SUPT6H: variants seen among roughly 807,000 people sequenced by gnomAD.
SUPT6H encodes the protein SPT6 homolog, histone chaperone and transcription elongation factor.
SUPT6H carries 11 observed loss-of-function variants against 222.3 expected under a neutral mutation model. The ratio of observed to expected loss-of-function variants is 0.05; its 90% CI spans 0.03 to 0.08. The LOEUF (loss-of-function observed/expected upper bound fraction) is 0.08, where lower values mean the gene tolerates loss of function less well. SUPT6H is among the 10% of genes least tolerant of loss of function. The pLI is 1.00. For synonymous variants in SUPT6H, 762 were observed against 801.2 expected (o/e 0.95, Z 0.83); for missense variants, 1,422 against 2,216.0 (o/e 0.64, Z 7.19).
chr17:28,686,583 A>G, intron 20 of SUPT6H, 71 bp from the exon 21 acceptor site: 3 of 1,545,794 alleles, frequency 1.9e-6, no homozygotes, highest in Non-Finnish European at 2.6e-6. Context: ...CTACCTCTTC[A>G]CCCCCAAGGC....
At position 28,688,260 on chromosome 17, in the gene SUPT6H, T is replaced by G. The variant is rs1168416844; in HGVS notation, c.3134+42T>G. 1.3e-6 allele frequency: 2 copies of G among 1,593,494 alleles called. No homozygotes were observed. Among genetic ancestry groups the G allele is most frequent in the East Asian group, 2.3e-5 (1 of 43,992 alleles). ...GGATGGGGCAGGAGGAATTCCCTTG[T>G]GGGCTTTGTTTTCGGGTTTCAGGGG... On this transcript the variant is annotated intron_variant, in intron 24 of 36. Coordinates refer to ENST00000314616, the MANE Select transcript of SUPT6H (RefSeq NM_003170.5). The surrounding 1 kb of genome is among the most constrained non-coding windows in gnomAD (Gnocchi z 4.3).
At chr17:28,683,600 T>C in intron 16 of SUPT6H, 21 bp from the exon 17 acceptor site, 1 of 1,611,246 alleles carries the variant, frequency 6.2e-7, no homozygotes, top group Non-Finnish European at 8.5e-7. Context: ...CCTGACACCA[T>C]AGCTTTGTGT....
In SUPT6H at chr17:28,701,733, A is replaced by T; in HGVS notation, c.*108A>T. ...TATGTCCATAAAGTGGCGTGAAGTG[A>T]GACGTTCTCTTTGGTGGTCAACCCG... On this transcript the variant is annotated 3_prime_UTR_variant, in exon 37 of 37. Coordinates refer to ENST00000314616, the MANE Select transcript of SUPT6H (RefSeq NM_003170.5). The T allele has an allele frequency of 1.6e-6, 2 of 1,245,462 alleles. 1 individual carries two copies. Among genetic ancestry groups the T allele is most frequent in the South Asian group, 2.9e-5 (2 of 68,406 alleles). The allele number at this position is 1,245,462 out of a possible 1,614,324, so 77.2% of individuals were successfully genotyped here.
intron 1 of SUPT6H, among the ~76,000 whole-genome samples, chr17:28,667,435 A>ATATATATATGTG (rs1491494572): frequency 1.4e-4 from 18 of 128,778 alleles, no homozygotes; most frequent in African/African-American, 4.9e-4. Flanking sequence ...ATATATATAT[A>ATATATATATGTG]TGTATGTGTG....
At chr17:28,686,875 G>A in intron 21 of SUPT6H, 86 bp downstream of exon 21, 1 of 1,482,864 alleles carries the variant, frequency 6.7e-7, no homozygotes, top group Non-Finnish European at 9.0e-7. Flanking sequence ...AAAGTTATCA[G>A]GGGCACAGGA....
In SUPT6H at chr17:28,674,598, C is replaced by A. The variant is rs753129478; in HGVS notation, c.330C>A (p.Val110=). ...ACCTCATTGAGGAGAATTTGGGTGT[C>A]AAAGTCAAAAGAGGAGTAAGTGTCA... ...DFDLIEENLG[V]KVKRGQKYRR... The change falls in exon 4 of 37, where the codon GTC becomes GTA. Residue 110 remains valine (V), a synonymous_variant. Coordinates refer to ENST00000314616, the MANE Select transcript of SUPT6H (RefSeq NM_003170.5). The A allele has an allele frequency of 2.8e-5, 45 of 1,613,888 alleles. No individual in the cohort carries two copies. The highest frequency in any genetic ancestry group is 3.8e-5 in the Non-Finnish European group (45 of 1,179,988).
chr17:28,699,989 A>G (rs2032067489), intron 33 of SUPT6H, 96 bp downstream of exon 33: 2 of 1,389,252 alleles, frequency 1.4e-6, no homozygotes, highest in East Asian at 4.6e-5. Context: ...GGTGAGGAGT[A>G]GGCTGTCACT....
chr17:28,676,153 A>G lies in SUPT6H; in HGVS notation c.624-4A>G, dbSNP rs1285816007. The G allele has an allele frequency of 3.2e-6, 5 of 1,581,592 alleles. No individual in the cohort carries two copies. The Admixed American group carries it at 7.1e-5, about 23-fold the overall frequency. Reference sequence around the variant, plus strand: ...AGCCACCTGCCTCTTGCTGCCACCTACAGGGCCCTGCAAGAAGCCCAGGAA... The same window carrying G: ...AGCCACCTGCCTCTTGCTGCCACCTGCAGGGCCCTGCAAGAAGCCCAGGAA... On this transcript the variant is annotated splice_region_variant and splice_polypyrimidine_tract_variant and intron_variant, in intron 6 of 36. Coordinates refer to ENST00000314616, the MANE Select transcript of SUPT6H (RefSeq NM_003170.5).
intron 1 of SUPT6H, among the ~76,000 whole-genome samples, chr17:28,663,351 T>C (rs1340563894): frequency 6.6e-6 from 1 of 152,170 alleles, no homozygotes; most frequent in Non-Finnish European, 1.5e-5. Context: ...TCACTTGGCT[T>C]GTGTGGCTGC....
intron 32 of SUPT6H, among the ~76,000 whole-genome samples, chr17:28,698,369 C>T (rs1225583586): frequency 6.6e-6 from 1 of 152,230 alleles, no homozygotes; most frequent in Non-Finnish European, 1.5e-5. Flanking sequence ...CCACCACCTG[C>T]CTCACCCTCA....
intron 31 of SUPT6H, 45 bp from the exon 32 acceptor site, chr17:28,697,861 C>CA: frequency 5.0e-6 from 8 of 1,609,716 alleles, no homozygotes; most frequent in Non-Finnish European, 6.8e-6. Context: ...CGTTGTGTAC[C>CA]AAGCATGCTG....
At chr17:28,663,773 C>T (rs1289915063) in intron 1 of SUPT6H, among the ~76,000 whole-genome samples, 1 of 144,642 alleles carries the variant, frequency 6.9e-6, no homozygotes, top group South Asian at 2.2e-4. Flanking sequence ...TCAGCTTTCT[C>T]AACTTTCATT....
chr17:28,666,036 C>T (rs1370390785), intron 1 of SUPT6H, among the ~76,000 whole-genome samples: 2 of 152,210 alleles, frequency 1.3e-5, no homozygotes, highest in African/African-American at 4.8e-5. Context: ...ATGAACCATT[C>T]TTCCTCTCCT....
chr17:28,691,167 CA>C (rs2031624382), intron 27 of SUPT6H, 104 bp downstream of exon 27: 2 of 1,391,744 alleles, frequency 1.4e-6, no homozygotes, highest in African/African-American at 1.4e-5. Context: ...ATTCTCTCAC[CA>C]AACAAGTACA....
intron 9 of SUPT6H, 48 bp from the exon 10 acceptor site, chr17:28,678,497 T>C (rs1428500831): frequency 1.9e-6 from 3 of 1,572,658 alleles, no homozygotes. Context: ...GAGGGGATCT[T>C]AGCAAATCTG....
rs751769644 is a variant in SUPT6H at position 28,678,651 on chromosome 17, G to A, written c.1206+17G>A. On this transcript the variant is annotated intron_variant, in intron 10 of 36. Coordinates refer to ENST00000314616, the MANE Select transcript of SUPT6H (RefSeq NM_003170.5). The stretch of plus-strand genomic sequence containing the variant: ...GATGAAAAGGTAATGTAGATCCGTG[G>A]CCCCCAAGAGGTGTGGGCCAGGGAA... The A allele has an allele frequency of 1.2e-6, 2 of 1,613,588 alleles. No homozygotes were observed. The highest frequency in any genetic ancestry group is 1.7e-6 in the Non-Finnish European group (2 of 1,179,794).
At chr17:28,686,296 T>G in intron 19 of SUPT6H, 43 bp from the exon 20 acceptor site, 1 of 1,566,600 alleles carries the variant, frequency 6.4e-7, no homozygotes. Context: ...CTGAAATCTT[T>G]ACATCCTCAG....
intron 1 of SUPT6H, among the ~76,000 whole-genome samples, chr17:28,667,427 A>G (rs1429046509): frequency 7.5e-6 from 1 of 133,362 alleles, no homozygotes; most frequent in African/African-American, 2.9e-5. Flanking sequence ...ATATATATAT[A>G]TATATATATG....
At position 28,689,565 on chromosome 17, in the gene SUPT6H, A is replaced by G; in HGVS notation, c.3342+4A>G. 1 of 1,613,868 alleles carries G rather than the reference A, an allele frequency of 6.2e-7. No individual in the cohort carries two copies. Among genetic ancestry groups the G allele is most frequent in the Non-Finnish European group, 8.5e-7 (1 of 1,179,996 alleles). On this transcript the variant is annotated splice_donor_region_variant and intron_variant, in intron 25 of 36. Coordinates refer to ENST00000314616, the MANE Select transcript of SUPT6H (RefSeq NM_003170.5). ...TGCAGAAGAGCTGGAGAGGCAGGTA[A>G]GGGACAGCATGGAAGGCCCGGCAGG... is the stretch of plus-strand genomic sequence containing the variant.
Sources: gnomAD v4.1 joint callset for allele counts (sites outside exome capture counted in the v4.1 genomes callset) on GRCh38, gnomAD v4.1.1 for gene constraint, Gnocchi (gnomAD v3.1) non-coding constraint, MANE v1.5 for transcripts, NCBI Gene and HGNC (gene_info 2026-07-23, HGNC 2026-07-21) for gene names.